IMMP2L: variants seen among roughly 807,000 people sequenced by gnomAD.
IMMP2L encodes the protein inner mitochondrial membrane peptidase subunit 2.
A neutral mutation model predicts 19.3 loss-of-function variants in IMMP2L; 18 were observed. That is an observed-to-expected ratio of 0.93 (90% CI 0.64 to 1.38). The LOEUF is 1.38. IMMP2L is among the 40% of genes most tolerant of loss of function. The pLI is 0.00. For synonymous variants in IMMP2L, 76 were observed against 73.0 expected (o/e 1.04, Z -0.21); for missense variants, 233 against 218.2 (o/e 1.07, Z -0.43).
chr7:110,893,720 A>G (rs1811048899), intron 4 of IMMP2L, among the ~76,000 whole-genome samples: 1 of 152,174 alleles, frequency 6.6e-6, no homozygotes, highest in African/African-American at 2.4e-5. Flanking sequence ...TATGAACACT[A>G]AAGCAGCTAT....
intron 3 of IMMP2L, among the ~76,000 whole-genome samples, chr7:111,095,288 T>C (rs924675067): frequency 1.2e-4 from 18 of 151,952 alleles, no homozygotes; most frequent in Admixed American, 2.0e-4. Flanking sequence ...CATTATACTT[T>C]GTATTCACCC....
chr7:111,229,663 G>C (rs993389554), intron 3 of IMMP2L, among the ~76,000 whole-genome samples: 1 of 151,864 alleles, frequency 6.6e-6, no homozygotes, highest in African/African-American at 2.4e-5. Flanking sequence ...ATTAGATTTA[G>C]TGAAGAATTT....
chr7:110,687,679 C>CT (rs145409584), intron 5 of IMMP2L, among the ~76,000 whole-genome samples: 2 of 151,888 alleles, frequency 1.3e-5, no homozygotes, highest in African/African-American at 4.8e-5. Flanking sequence ...AAATGTTACA[C>CT]TTTTTGATGA....
At chr7:110,807,216 C>T (rs1391212744) in intron 5 of IMMP2L, among the ~76,000 whole-genome samples, 2 of 151,974 alleles carry the variant, frequency 1.3e-5, no homozygotes, top group Non-Finnish European at 2.9e-5. Flanking sequence ...ATTCTTCAAG[C>T]CTATTCTTCT....
At chr7:111,039,886 C>T (rs1791722082) in intron 3 of IMMP2L, among the ~76,000 whole-genome samples, 1 of 152,222 alleles carries the variant, frequency 6.6e-6, no homozygotes, top group African/African-American at 2.4e-5. Flanking sequence ...AGGGTCTGGA[C>T]TGGGCAGGGT....
intron 3 of IMMP2L, among the ~76,000 whole-genome samples, chr7:111,403,322 T>A (rs968502495): frequency 6.6e-6 from 1 of 152,042 alleles, no homozygotes; most frequent in East Asian, 1.9e-4. Flanking sequence ...CCACCATGAT[T>A]GTAAGTTTCC....
At chr7:111,547,521 T>G (rs1005988775) in intron 1 of IMMP2L, among the ~76,000 whole-genome samples, 1 of 137,514 alleles carries the variant, frequency 7.3e-6, no homozygotes, top group African/African-American at 2.7e-5. Flanking sequence ...CCCCCCTTTT[T>G]ATCCTGCTTT....
chr7:111,210,749 T>C (rs533218395), intron 3 of IMMP2L, among the ~76,000 whole-genome samples: 12 of 152,204 alleles, frequency 7.9e-5, no homozygotes, highest in East Asian at 1.9e-4. Flanking sequence ...TATTAGTATA[T>C]TGAAATAAGA....
intron 3 of IMMP2L, among the ~76,000 whole-genome samples, chr7:111,116,553 C>A (rs1162904134): frequency 1.3e-5 from 2 of 152,246 alleles, no homozygotes; most frequent in African/African-American, 2.4e-5. Context: ...CAATCCCACA[C>A]AAAATCTCTA....
At chr7:111,443,325 C>T (rs1218308365) in intron 3 of IMMP2L, among the ~76,000 whole-genome samples, 1 of 149,494 alleles carries the variant, frequency 6.7e-6, no homozygotes, top group African/African-American at 2.6e-5. Context: ...ACAAGCCTAT[C>T]AAAGGAACTT....
intron 3 of IMMP2L, among the ~76,000 whole-genome samples, chr7:111,020,090 A>T (rs1826126920): frequency 6.6e-6 from 1 of 151,794 alleles, no homozygotes; most frequent in African/African-American, 2.4e-5. Flanking sequence ...AACAATTAAA[A>T]AAAAAAAAAA....
intron 3 of IMMP2L, among the ~76,000 whole-genome samples, chr7:111,080,697 C>T (rs1795820119): frequency 6.6e-6 from 1 of 152,106 alleles, no homozygotes; most frequent in Non-Finnish European, 1.5e-5. Context: ...CTTATAAATG[C>T]TGACTTTGTT....
intron 5 of IMMP2L, among the ~76,000 whole-genome samples, chr7:110,697,372 A>G (rs1281392281): frequency 6.6e-6 from 1 of 152,206 alleles, no homozygotes; most frequent in African/African-American, 2.4e-5. Context: ...CTTTATACTC[A>G]AATGTTTATA....
chr7:111,305,984 T>C (rs1822823361), intron 3 of IMMP2L, among the ~76,000 whole-genome samples: 2 of 152,148 alleles, frequency 1.3e-5, no homozygotes, highest in South Asian at 4.1e-4. Context: ...CAAATTTTTA[T>C]AATAAATCTC....
chr7:111,128,952 TA>T (rs1394179457), intron 3 of IMMP2L, among the ~76,000 whole-genome samples: 3 of 152,224 alleles, frequency 2.0e-5, no homozygotes, highest in Non-Finnish European at 4.4e-5. Flanking sequence ...TTATCTAGCA[TA>T]GACAAAATGT....
At chr7:111,303,461 T>C (rs926453949) in intron 3 of IMMP2L, among the ~76,000 whole-genome samples, 6 of 152,110 alleles carry the variant, frequency 3.9e-5, no homozygotes, top group African/African-American at 1.2e-4. Context: ...ATTATTTATT[T>C]CTGCAATGCT....
At chr7:111,267,446 G>A (rs955919125) in intron 3 of IMMP2L, among the ~76,000 whole-genome samples, 2 of 152,148 alleles carry the variant, frequency 1.3e-5, no homozygotes, top group Admixed American at 1.3e-4. Flanking sequence ...GAGCTGCAGG[G>A]TGATGGGAAC....
intron 5 of IMMP2L, among the ~76,000 whole-genome samples, chr7:110,729,944 T>TA (rs1202649963): frequency 3.4e-4 from 48 of 141,128 alleles, no homozygotes; most frequent in African/African-American, 9.6e-4. Context: ...TTTTTTTTTT[T>TA]AAAAAGCAAC....
chr7:111,328,543 G>C (rs553857009), intron 3 of IMMP2L, among the ~76,000 whole-genome samples: 1 of 151,934 alleles, frequency 6.6e-6, no homozygotes, highest in East Asian at 1.9e-4. Context: ...AAAAGTAAGG[G>C]TTTATATTTT....
Sources: allele counts gnomAD v4.1 joint callset (sites outside exome capture counted in the v4.1 genomes callset), GRCh38; gene constraint gnomAD v4.1.1; transcripts MANE v1.5; gene names NCBI Gene and HGNC (gene_info 2026-07-23, HGNC 2026-07-21).